The following TMEM170A variants were observed in gnomAD, a reference collection of about 807,000 sequenced individuals.
The protein encoded by TMEM170A is transmembrane protein 170A.
In TMEM170A, 18 loss-of-function variants were observed where a neutral mutation model predicts 12.8. The ratio of observed to expected loss-of-function variants is 1.41; its 90% CI spans 0.97 to 2.09. TMEM170A has a LOEUF of 2.09. Ranked by LOEUF, TMEM170A falls within the 30% of genes most tolerant of loss-of-function variation. The pLI, the probability that TMEM170A is intolerant of heterozygous loss-of-function variation, is 0.00. For synonymous variants in TMEM170A, 107 were observed against 76.2 expected (o/e 1.40, Z -2.11); for missense variants, 220 against 179.9 (o/e 1.22, Z -1.28).
At chr16:75,451,571 C>T in intron 2 of TMEM170A, 98 bp downstream of exon 2, 1 of 1,353,390 alleles carries the variant, frequency 7.4e-7, no homozygotes, top group Admixed American at 1.8e-5. Flanking sequence ...AAAAGGCACT[C>T]TTTCCTTCAT....
chr16:75,448,062 G>A (rs931724469), intron 2 of TMEM170A, among the ~76,000 whole-genome samples: 2 of 152,134 alleles, frequency 1.3e-5, no homozygotes, highest in African/African-American at 4.8e-5. Flanking sequence ...CCTTCAACAG[G>A]GACCTAATAC....
chr16:75,448,841 C>T (rs1267660095), intron 2 of TMEM170A, among the ~76,000 whole-genome samples: 3 of 151,742 alleles, frequency 2.0e-5, no homozygotes, highest in Non-Finnish European at 4.4e-5. Flanking sequence ...GCAGGAGGAT[C>T]GCTTGAGCCC....
At position 75,444,495 on chromosome 16, in the gene TMEM170A, G is replaced by C. The variant is rs564209480; in HGVS notation, c.*3063C>G. On this transcript the variant is annotated 3_prime_UTR_variant, in exon 3 of 3. Coordinates refer to ENST00000561878, the MANE Select transcript of TMEM170A (RefSeq NM_145254.3). ...AAAAAACCAAAGCACAGCTGGGGGA[G>C]GATATTTCTAAGAAATCAGTTTTTG... 1.3e-5 allele frequency: 2 copies of C among 152,166 alleles called. No individual in the cohort carries two copies. 9.4% of individuals were successfully genotyped at this position (152,166 alleles called of 1,614,324 possible). A position where few individuals can be genotyped will look rare whatever the true frequency, so the allele number is the denominator to read the frequency against.
chr16:75,463,973 G>T (rs1311278706), intron 1 of TMEM170A, among the ~76,000 whole-genome samples: 1 of 152,244 alleles, frequency 6.6e-6, no homozygotes, highest in African/African-American at 2.4e-5. Flanking sequence ...CCAGGCGCCC[G>T]CGATCAGCGA....
chr16:75,458,836 T>A (rs1443036366), intron 1 of TMEM170A: 3 of 152,134 alleles, frequency 2.0e-5, no homozygotes, highest in Admixed American at 1.3e-4. Flanking sequence ...AAGACTAAGA[T>A]CCCTACCCTA....
rs1456332888 is a variant in TMEM170A, at chr16:75,445,697, TTC to T, written c.*1859_*1860del. The T allele has an allele frequency of 1.3e-5, 2 of 151,940 alleles. No individual in the cohort carries two copies. Among genetic ancestry groups the T allele is most frequent in the East Asian group, 3.8e-4 (2 of 5,200 alleles). 9.4% of individuals were successfully genotyped at this position (151,940 alleles called of 1,614,324 possible). ...TGGCAAATTGGTCCTCCTGACTTTT[TTC>T]TTTTTTTTTTTTTTCCAAATTGGGC... On this transcript the variant is annotated 3_prime_UTR_variant, in exon 3 of 3. Transcript: ENST00000561878.
rs145261578 is a variant in TMEM170A, at chr16:75,447,379, T to C, written c.*179A>G. The C allele has an allele frequency of 3.5e-4, 196 of 563,886 alleles. No homozygotes were observed. Among genetic ancestry groups the C allele is most frequent in the African/African-American group, 2.2e-3 (112 of 51,518 alleles). 34.9% of individuals were successfully genotyped at this position (563,886 alleles called of 1,614,324 possible). Reference sequence around the variant, plus strand: ...TGGTTGAGAACAATAGGAGTCCACATAAGTCTTCAATTCTAGGAGCTTCAA... The same window carrying C: ...TGGTTGAGAACAATAGGAGTCCACACAAGTCTTCAATTCTAGGAGCTTCAA... On this transcript the variant is annotated 3_prime_UTR_variant, in exon 3 of 3. Transcript: ENST00000561878.
intron 1 of TMEM170A, among the ~76,000 whole-genome samples, chr16:75,454,246 GAC>G (rs2079742961): frequency 6.8e-6 from 1 of 146,680 alleles, no homozygotes; most frequent in Non-Finnish European, 1.6e-5. Context: ...AATATTTCCA[GAC>G]ATTGTCAAAT....
intron 1 of TMEM170A, among the ~76,000 whole-genome samples, chr16:75,455,331 TG>T (rs1350896398): frequency 7.5e-6 from 1 of 133,660 alleles, no homozygotes; most frequent in East Asian, 2.1e-4. Context: ...CACTCCAGCC[TG>T]GGTGACAGAG....
chr16:75,463,615 C>T (rs28413092), intron 1 of TMEM170A, among the ~76,000 whole-genome samples: 11,791 of 152,256 alleles, frequency 0.077, 922 homozygotes, highest in African/African-American at 0.2. Context: ...ACCTCAGTCC[C>T]CTCTGCTGGG....
chr16:75,464,286 G>A, intron 1 of TMEM170A, 182 bp downstream of exon 1: 1 of 1,489,906 alleles, frequency 6.7e-7, no homozygotes, highest in Admixed American at 2.2e-5. Flanking sequence ...TCCGCCTCAG[G>A]GACCGCCGAA....
At chr16:75,458,241 G>A (rs1002948189) in intron 1 of TMEM170A, 3 of 152,174 alleles carry the variant, frequency 2.0e-5, no homozygotes, top group Non-Finnish European at 1.5e-5. Context: ...GGTAAATCAG[G>A]TAATTAATCT....
rs1305601303 is a variant in TMEM170A at position 75,447,370 on chromosome 16, G to A, written c.*188C>T. On this transcript the variant is annotated 3_prime_UTR_variant, in exon 3 of 3. Coordinates refer to ENST00000561878, the MANE Select transcript of TMEM170A (RefSeq NM_145254.3). ...GACTTGTTTTGGTTGAGAACAATAG[G>A]AGTCCACATAAGTCTTCAATTCTAG... The A allele has an allele frequency of 4.1e-6, 2 of 486,630 alleles. No homozygotes were observed. Among genetic ancestry groups the A allele is most frequent in the Non-Finnish European group, 6.6e-6 (2 of 302,682 alleles). 30.1% of individuals were successfully genotyped at this position (486,630 alleles called of 1,614,324 possible). A position where few individuals can be genotyped will look rare whatever the true frequency, so the allele number is the denominator to read the frequency against.
At chr16:75,451,900 A>C in intron 1 of TMEM170A, 61 bp from the exon 2 acceptor site, 1 of 1,451,996 alleles carries the variant, frequency 6.9e-7, no homozygotes, top group Non-Finnish European at 9.5e-7. Flanking sequence ...ATCATTGCAG[A>C]GGGTACTCAT....
intron 1 of TMEM170A, 23 bp downstream of exon 1, chr16:75,464,445 C>T (rs771209136): frequency 1.4e-6 from 2 of 1,439,404 alleles, no homozygotes; most frequent in East Asian, 3.0e-5. Context: ...GCGCGCAGTG[C>T]GCAGGCGCGG....
intron 1 of TMEM170A, among the ~76,000 whole-genome samples, chr16:75,452,434 A>C (rs2079706267): frequency 6.6e-6 from 1 of 151,886 alleles, no homozygotes; most frequent in African/African-American, 2.4e-5. Flanking sequence ...CGCCTGGCAA[A>C]ATTCTTTTTT....
chr16:75,452,292 G>C (rs955949375), intron 1 of TMEM170A, among the ~76,000 whole-genome samples: 6 of 151,764 alleles, frequency 4.0e-5, no homozygotes, highest in Admixed American at 1.3e-4. Flanking sequence ...TTTTAAAGAC[G>C]GGGTCTCACT....
intron 1 of TMEM170A, 74 bp from the exon 2 acceptor site, chr16:75,451,913 T>C (rs2079694242): frequency 3.1e-6 from 4 of 1,271,784 alleles, no homozygotes; most frequent in Admixed American, 2.7e-5. Flanking sequence ...GTACTCATCA[T>C]ACCCGTCATT....
chr16:75,464,132 C>T, intron 1 of TMEM170A: 1 of 1,302,644 alleles, frequency 7.7e-7, no homozygotes, highest in Non-Finnish European at 1.1e-6. Context: ...ACCACAGCCT[C>T]CCGGGCTCGT....
Sources: allele counts gnomAD v4.1 joint callset (sites outside exome capture counted in the v4.1 genomes callset), GRCh38; gene constraint gnomAD v4.1.1; transcripts MANE v1.5; gene names NCBI Gene and HGNC (gene_info 2026-07-23, HGNC 2026-07-21).